OXR1: variants seen among roughly 807,000 people sequenced by gnomAD.
OXR1 encodes the protein oxidation resistance protein 1.
In OXR1, 41 loss-of-function variants were observed where a neutral mutation model predicts 104.6. That is an observed-to-expected ratio of 0.39 (90% CI 0.31 to 0.51). The LOEUF (loss-of-function observed/expected upper bound fraction) is 0.51, where lower values mean the gene tolerates loss of function less well. Ranked by LOEUF, OXR1 falls within the 20% of genes least tolerant of loss-of-function variation. The pLI, the probability that OXR1 is intolerant of heterozygous loss-of-function variation, is 0.77. For synonymous variants in OXR1, 348 were observed against 348.4 expected (o/e 1.00, Z 0.01); for missense variants, 955 against 1,031.9 (o/e 0.93, Z 1.02).
chr8:106,535,934 T>C (rs536068355), intron 3 of OXR1, among the ~76,000 whole-genome samples: 7 of 152,068 alleles, frequency 4.6e-5, no homozygotes, highest in African/African-American at 7.2e-5. Context: ...GAAAACAAAT[T>C]TTCAGGCTGG....
intron 1 of OXR1, among the ~76,000 whole-genome samples, chr8:106,313,383 G>C (rs1193578931): frequency 6.6e-6 from 1 of 152,130 alleles, no homozygotes; most frequent in African/African-American, 2.4e-5. Flanking sequence ...AATATAATTA[G>C]GGTACAGCAT....
intron 16 of OXR1, among the ~76,000 whole-genome samples, chr8:106,750,030 A>G (rs1688441813): frequency 6.6e-6 from 1 of 152,018 alleles, no homozygotes; most frequent in South Asian, 2.1e-4. Flanking sequence ...AGGAAACCAG[A>G]GTTATTTACT....
intron 1 of OXR1, among the ~76,000 whole-genome samples, chr8:106,347,837 A>G (rs1347085056): frequency 6.6e-6 from 1 of 152,196 alleles, no homozygotes; most frequent in Non-Finnish European, 1.5e-5. Flanking sequence ...TTTCTTAAAT[A>G]ATAAATATTT....
At chr8:106,683,589 T>C (rs1239585167) in intron 5 of OXR1, among the ~76,000 whole-genome samples, 1 of 152,196 alleles carries the variant, frequency 6.6e-6, no homozygotes, top group African/African-American at 2.4e-5. Context: ...AAAAAATTAC[T>C]TTATCAAAGT....
At chr8:106,497,406 A>G (rs1199445111) in intron 2 of OXR1, among the ~76,000 whole-genome samples, 1 of 152,184 alleles carries the variant, frequency 6.6e-6, no homozygotes, top group African/African-American at 2.4e-5. Context: ...AGAAAATTTT[A>G]CAGGCATTCA....
rs189341551 is a variant in OXR1, at chr8:106,383,781, A to G, written c.23+24145A>G. 2.5e-4 allele frequency among the ~76,000 whole-genome samples: 38 copies of G among 152,316 alleles called. 1 individual carries two copies. The highest frequency in any genetic ancestry group is 2.4e-3 in the Admixed American group (36 of 15,298). Reference sequence around the variant, plus strand: ...TTACCTACAGGGTCTGAAGCCATACATCGTAAGCCAAGTCAGTGCAGCCTT... The same window carrying G: ...TTACCTACAGGGTCTGAAGCCATACGTCGTAAGCCAAGTCAGTGCAGCCTT... On this transcript the variant is annotated intron_variant, in intron 2 of 16. Coordinates refer to ENST00000517566, the MANE Select transcript of OXR1 (RefSeq NM_001198533.2).
chr8:106,730,820 T>C (rs1833818208), intron 11 of OXR1, among the ~76,000 whole-genome samples: 1 of 151,866 alleles, frequency 6.6e-6, no homozygotes, highest in African/African-American at 2.4e-5. Context: ...ATCAACACTT[T>C]AGGAGGCTGA....
intron 2 of OXR1, among the ~76,000 whole-genome samples, chr8:106,427,508 C>G (rs1481027543): frequency 6.6e-6 from 1 of 152,112 alleles, no homozygotes; most frequent in African/African-American, 2.4e-5. Flanking sequence ...TGAGAACCAC[C>G]ACTAGGGGCG....
intron 15 of OXR1, among the ~76,000 whole-genome samples, chr8:106,742,861 G>C (rs752571511): frequency 6.6e-6 from 1 of 152,068 alleles, no homozygotes; most frequent in Non-Finnish European, 1.5e-5. Context: ...GAAAATCTAG[G>C]CAATACCATT....
intron 1 of OXR1, among the ~76,000 whole-genome samples, chr8:106,286,565 T>C (rs913641333): frequency 1.3e-5 from 2 of 152,190 alleles, no homozygotes; most frequent in African/African-American, 4.8e-5. Context: ...CTCTCCTGTT[T>C]CCATTTTCTT....
intron 15 of OXR1, among the ~76,000 whole-genome samples, chr8:106,743,611 A>G (rs1384110897): frequency 2.6e-5 from 4 of 152,138 alleles, no homozygotes; most frequent in Non-Finnish European, 5.9e-5. Flanking sequence ...GTGAGCCACC[A>G]CGCCCAACTG....
At chr8:106,698,141 A>G (rs1018222550) in intron 7 of OXR1, 3 of 619,818 alleles carry the variant, frequency 4.8e-6, no homozygotes, top group East Asian at 2.8e-5. Context: ...TATCCTCTTC[A>G]TTTTCAAAGG....
At chr8:106,713,477 A>G (rs1482688240) in intron 10 of OXR1, among the ~76,000 whole-genome samples, 1 of 151,940 alleles carries the variant, frequency 6.6e-6, no homozygotes, top group African/African-American at 2.4e-5. Flanking sequence ...ATTTTAGATC[A>G]TTAGATTATT....
chr8:106,621,143 C>T (rs1158418420), intron 3 of OXR1, among the ~76,000 whole-genome samples: 1 of 152,138 alleles, frequency 6.6e-6, no homozygotes, highest in Non-Finnish European at 1.5e-5. Context: ...GCATGCCAAT[C>T]TCTGAGAGCT....
At chr8:106,665,589 T>C (rs1826219851) in intron 3 of OXR1, among the ~76,000 whole-genome samples, 1 of 152,210 alleles carries the variant, frequency 6.6e-6, no homozygotes, top group Non-Finnish European at 1.5e-5. Context: ...GCACTTTTTA[T>C]GGTAGAAGAC....
At chr8:106,550,014 T>C (rs1481323905) in intron 3 of OXR1, among the ~76,000 whole-genome samples, 1 of 152,224 alleles carries the variant, frequency 6.6e-6, no homozygotes, top group African/African-American at 2.4e-5. Context: ...ATTTCCTGGA[T>C]ATCTAATTTA....
chr8:106,708,331 C>A (rs1025792276), intron 9 of OXR1, among the ~76,000 whole-genome samples: 1 of 151,950 alleles, frequency 6.6e-6, no homozygotes, highest in Non-Finnish European at 1.5e-5. Flanking sequence ...CCCAGGAGGT[C>A]GAGGCTGCTA....
chr8:106,518,387 C>T (rs1481934291), intron 2 of OXR1, among the ~76,000 whole-genome samples: 1 of 152,086 alleles, frequency 6.6e-6, no homozygotes, highest in Non-Finnish European at 1.5e-5. Context: ...TAGCTTTTTG[C>T]TTTCCATGTT....
intron 2 of OXR1, among the ~76,000 whole-genome samples, chr8:106,501,752 G>A (rs182134069): frequency 1.3e-5 from 2 of 152,306 alleles, no homozygotes; most frequent in African/African-American, 2.4e-5. Context: ...TCTGTTTCCT[G>A]TTGCAGGGCT....
Sources: gnomAD v4.1 joint callset for allele counts (sites outside exome capture counted in the v4.1 genomes callset) on GRCh38, gnomAD v4.1.1 for gene constraint, MANE v1.5 for transcripts, NCBI Gene and HGNC (gene_info 2026-07-23, HGNC 2026-07-21) for gene names.